ADAMTS19: variants seen among roughly 807,000 people sequenced by gnomAD.
ADAMTS19 encodes the protein ADAM metallopeptidase with thrombospondin type 1 motif 19.
Under a neutral mutation model 153.3 loss-of-function variants are expected in ADAMTS19, and 93 were observed. That is an observed-to-expected ratio of 0.61 (90% CI 0.51 to 0.72). The LOEUF (loss-of-function observed/expected upper bound fraction) is 0.72. Among genes scored for constraint, ADAMTS19 ranks in the 30% least tolerant of loss-of-function variants. The probability of loss-of-function intolerance (pLI) is 0.00; values close to 1 mark genes in which losing one functional copy is unlikely to be tolerated. For synonymous variants in ADAMTS19, 600 were observed against 556.6 expected, an observed-to-expected ratio of 1.08 and a Z score of -1.10; for missense variants, 1,482 against 1,552.1, an observed-to-expected ratio of 0.95 and a Z score of 0.76.
At chr5:129,641,815 AT>A (rs1490985750) in intron 10 of ADAMTS19, 43 bp from the exon 11 acceptor site, 2 of 1,319,106 alleles carry the variant, frequency 1.5e-6, no homozygotes, top group African/African-American at 2.9e-5. Flanking sequence ...ACTTAAAAAA[AT>A]GTGATACCTT....
chr5:129,590,513 T>C (rs1750075106), intron 7 of ADAMTS19, among the ~76,000 whole-genome samples: 1 of 152,214 alleles, frequency 6.6e-6, no homozygotes, highest in South Asian at 2.1e-4. Flanking sequence ...AGATCAGTTT[T>C]TTCTTAGTAT....
chr5:129,731,440 G>T (rs1412130340), intron 21 of ADAMTS19, among the ~76,000 whole-genome samples: 6 of 152,004 alleles, frequency 3.9e-5, no homozygotes, highest in Non-Finnish European at 5.9e-5. Flanking sequence ...TGGATATAGT[G>T]GGATACTGGG....
intron 3 of ADAMTS19, among the ~76,000 whole-genome samples, chr5:129,520,967 A>G (rs1461795161): frequency 1.3e-5 from 2 of 151,992 alleles, no homozygotes; most frequent in Non-Finnish European, 2.9e-5. Flanking sequence ...TGTGAATGAG[A>G]TGGTCACTGT....
At chr5:129,547,416 T>C (rs1245555667) in intron 6 of ADAMTS19, among the ~76,000 whole-genome samples, 1 of 150,760 alleles carries the variant, frequency 6.6e-6, no homozygotes, top group African/African-American at 2.5e-5. Flanking sequence ...TTGTGTTGTT[T>C]TAAGTCACCA....
At chr5:129,494,496 G>A (rs758514865) in intron 2 of ADAMTS19, among the ~76,000 whole-genome samples, 1 of 152,052 alleles carries the variant, frequency 6.6e-6, no homozygotes, top group Non-Finnish European at 1.5e-5. Flanking sequence ...CAGTCACTTG[G>A]TAATCTAATC....
At chr5:129,731,216 C>T (rs750276067) in intron 21 of ADAMTS19, among the ~76,000 whole-genome samples, 6 of 152,024 alleles carry the variant, frequency 3.9e-5, no homozygotes, top group Admixed American at 6.6e-5. Context: ...CCTCAGCCTC[C>T]CAAAGTGCTG....
At position 129,460,314 on chromosome 5, in the gene ADAMTS19, G is replaced by C. The variant is rs542771140; in HGVS notation, c.-78G>C. The C allele has an allele frequency of 9.7e-5, 101 of 1,042,404 alleles. No homozygotes were observed. In the East Asian group the frequency reaches 4.4e-3, roughly 45 times the overall value. 64.6% of individuals were successfully genotyped at this position (1,042,404 alleles called of 1,614,324 possible). Reference sequence around the variant, plus strand: ...TCGCCGCCCGGCCTCCTAGCGCTCCGGGGAGGCCGCTGCGCCCCGGAGTGG... The same window carrying C: ...TCGCCGCCCGGCCTCCTAGCGCTCCCGGGAGGCCGCTGCGCCCCGGAGTGG... On this transcript the variant is annotated 5_prime_UTR_variant, in exon 1 of 23. Transcript: ENST00000274487.
chr5:129,475,845 A>G (rs1161895807), intron 2 of ADAMTS19, among the ~76,000 whole-genome samples: 2 of 152,198 alleles, frequency 1.3e-5, no homozygotes, highest in Non-Finnish European at 2.9e-5. Context: ...ATAAAAATAA[A>G]TTGTTTTGGC....
intron 6 of ADAMTS19, among the ~76,000 whole-genome samples, chr5:129,536,739 T>G (rs1752446542): frequency 2.6e-5 from 4 of 152,114 alleles, no homozygotes; most frequent in South Asian, 2.1e-4. Flanking sequence ...CCATAAAAAA[T>G]GAAGAGTTCA....
Position 129,654,305 on chromosome 5 carries a change from G to C in ADAMTS19, c.2177-1G>C. On this transcript the variant is annotated splice_acceptor_variant, in intron 13 of 22. Transcript: ENST00000274487. LOFTEE classifies it high-confidence loss of function. ...TTTCTTTTTATCTACTCTGTATGTAGAAAAACCATGTGCCTTGTTTTGCTC... is the reference window on the plus strand; with the variant it reads ...TTTCTTTTTATCTACTCTGTATGTACAAAAACCATGTGCCTTGTTTTGCTC... The C allele has an allele frequency of 1.2e-6, 2 of 1,604,902 alleles. No individual in the cohort carries two copies. The highest frequency in any genetic ancestry group is 1.7e-6 in the Non-Finnish European group (2 of 1,177,986).
intron 8 of ADAMTS19, among the ~76,000 whole-genome samples, chr5:129,604,605 G>A (rs773408918): frequency 3.9e-5 from 6 of 152,126 alleles, no homozygotes; most frequent in Non-Finnish European, 8.8e-5. Flanking sequence ...GTAGATATTA[G>A]GCTCTTGATA....
At chr5:129,637,373 A>G (rs1234666800) in intron 10 of ADAMTS19, among the ~76,000 whole-genome samples, 1 of 152,162 alleles carries the variant, frequency 6.6e-6, no homozygotes, top group Non-Finnish European at 1.5e-5. Context: ...TCATGGATAG[A>G]TTCAGTCTGT....
intron 6 of ADAMTS19, among the ~76,000 whole-genome samples, chr5:129,539,962 G>T (rs1018054272): frequency 6.6e-6 from 1 of 152,114 alleles, no homozygotes; most frequent in East Asian, 1.9e-4. Context: ...GTACCATTTG[G>T]TTAATAAAGA....
chr5:129,461,244 CCGGG>C lies in ADAMTS19; in HGVS notation c.237_240del (p.Ala80ArgfsTer169). On this transcript the variant is annotated frameshift_variant, in exon 2 of 23. Coordinates refer to ENST00000274487, the MANE Select transcript of ADAMTS19 (RefSeq NM_133638.6). LOFTEE classifies it high-confidence loss of function. The surrounding 1 kb of genome is among the most constrained non-coding windows in gnomAD (Gnocchi z 4.6). Reference sequence around the variant, plus strand: ...GCGGCGTTGGGGGCGGCGGAAGCGCCCGGGCGCAGGCTGCCGGCAGCTCACGCGA... The same window carrying C: ...GCGGCGTTGGGGGCGGCGGAAGCGCCCGCAGGCTGCCGGCAGCTCACGCGA... 7.9e-7 allele frequency: 1 copy of C among 1,264,092 alleles called. No homozygotes were observed. The highest frequency in any genetic ancestry group is 9.9e-7 in the Non-Finnish European group (1 of 1,010,508). 78.3% of individuals were successfully genotyped at this position (1,264,092 alleles called of 1,614,324 possible).
intron 20 of ADAMTS19, 82 bp from the exon 21 acceptor site, chr5:129,704,157 T>C: frequency 4.9e-6 from 7 of 1,428,150 alleles, no homozygotes; most frequent in Non-Finnish European, 6.7e-6. Context: ...AACAGATTAT[T>C]GGAAACCAGT....
At chr5:129,560,981 A>G (rs939722487) in intron 7 of ADAMTS19, among the ~76,000 whole-genome samples, 3 of 152,210 alleles carry the variant, frequency 2.0e-5, no homozygotes, top group Non-Finnish European at 4.4e-5. Flanking sequence ...AAGATCCCAA[A>G]TAGATTTTTA....
chr5:129,726,561 C>T (rs967254005), intron 21 of ADAMTS19, among the ~76,000 whole-genome samples: 1 of 152,020 alleles, frequency 6.6e-6, no homozygotes, highest in African/African-American at 2.4e-5. Context: ...AGAGAGAGAG[C>T]GCCATGGAAT....
chr5:129,704,028 C>G (rs535069206), intron 20 of ADAMTS19, among the ~76,000 whole-genome samples: 2 of 152,300 alleles, frequency 1.3e-5, no homozygotes, highest in East Asian at 3.9e-4. Context: ...TCTGAAACCA[C>G]TTATCTCCAG....
intron 7 of ADAMTS19, among the ~76,000 whole-genome samples, chr5:129,595,994 T>C (rs973092353): frequency 3.9e-5 from 6 of 151,922 alleles, no homozygotes; most frequent in Non-Finnish European, 7.4e-5. Context: ...CAACACACCA[T>C]TTAGCCAAGA....
Sources: gnomAD v4.1 joint callset for allele counts (sites outside exome capture counted in the v4.1 genomes callset) on GRCh38, gnomAD v4.1.1 for gene constraint, Gnocchi (gnomAD v3.1) non-coding constraint, MANE v1.5 for transcripts, NCBI Gene and HGNC (gene_info 2026-07-23, HGNC 2026-07-21) for gene names.